ALOX5AP: variants seen among roughly 807,000 people sequenced by gnomAD.
ALOX5AP encodes the protein arachidonate 5-lipoxygenase activating protein.
In ALOX5AP, 9 loss-of-function variants were observed where a neutral mutation model predicts 18.5. That is an observed-to-expected ratio of 0.49 (90% CI 0.29 to 0.85). ALOX5AP has a LOEUF of 0.85. ALOX5AP is among the 40% of genes least tolerant of loss of function. The pLI is 0.08. For missense variants in ALOX5AP, 172 were observed against 202.5 expected, an observed-to-expected ratio of 0.85 and a Z score of 0.91; for synonymous variants, 81 against 78.6, an observed-to-expected ratio of 1.03 and a Z score of -0.16.
intron 1 of ALOX5AP, chr13:30,713,929 C>A (rs1432379812): frequency 7.0e-7 from 1 of 1,426,670 alleles, no homozygotes; most frequent in East Asian, 2.5e-5. Context: ...GGGCCATGTT[C>A]GGTGGTTTTT....
chr13:30,747,154 T>G (rs1951815856), intron 2 of ALOX5AP, among the ~76,000 whole-genome samples: 1 of 152,188 alleles, frequency 6.6e-6, no homozygotes, highest in Non-Finnish European at 1.5e-5. Context: ...CTGGACTCTG[T>G]TCACGTGTAT....
chr13:30,725,612 C>T (rs1406511515), intron 1 of ALOX5AP, among the ~76,000 whole-genome samples: 1 of 152,210 alleles, frequency 6.6e-6, no homozygotes, highest in Non-Finnish European at 1.5e-5. Context: ...TTACATTGGA[C>T]CATTTCCATC....
At chr13:30,716,908 T>C (rs1430398591) in intron 1 of ALOX5AP, among the ~76,000 whole-genome samples, 2 of 152,234 alleles carry the variant, frequency 1.3e-5, no homozygotes, top group East Asian at 3.8e-4. Context: ...ATGGAGCCCC[T>C]ACGGTCCTCT....
Position 30,725,990 on chromosome 13 carries a change from T to C in ALOX5AP, c.117-9561T>C, listed in dbSNP as rs148086262. ...CCAATATATGATGCTATTTCTCCCATTGTCAGGATTCATGGGTCCAAGAAT... is the reference window on the plus strand; with the variant it reads ...CCAATATATGATGCTATTTCTCCCACTGTCAGGATTCATGGGTCCAAGAAT... On this transcript the variant is annotated intron_variant, in intron 1 of 5. Transcript: ENST00000617770. Among the ~76,000 whole-genome samples the C allele has an allele frequency of 2.5e-3, 384 of 152,288 alleles. 3 individuals carry two copies. The highest frequency in any genetic ancestry group is 8.9e-3 in the African/African-American group (368 of 41,538).
At chr13:30,739,816 G>A (rs1013334493) in intron 1 of ALOX5AP, among the ~76,000 whole-genome samples, 3 of 152,202 alleles carry the variant, frequency 2.0e-5, no homozygotes, top group South Asian at 2.1e-4. Flanking sequence ...GTCAGGAGTC[G>A]TGAAGCTGGG....
intron 4 of ALOX5AP, among the ~76,000 whole-genome samples, chr13:30,757,123 A>G (rs1052401759): frequency 2.6e-5 from 4 of 152,138 alleles, no homozygotes; most frequent in Non-Finnish European, 5.9e-5. Context: ...AGCCTTCCAC[A>G]CCATTTTCCT....
At chr13:30,714,778 C>T (rs1282830091) in intron 1 of ALOX5AP, among the ~76,000 whole-genome samples, 2 of 152,206 alleles carry the variant, frequency 1.3e-5, no homozygotes, top group African/African-American at 2.4e-5. Context: ...CGCCGTCACA[C>T]CCTGGGCACT....
chr13:30,740,769 A>G (rs1951756438), intron 1 of ALOX5AP, among the ~76,000 whole-genome samples: 1 of 152,154 alleles, frequency 6.6e-6, no homozygotes, highest in African/African-American at 2.4e-5. Flanking sequence ...GATATTAAAG[A>G]TTCTGGAAGT....
In ALOX5AP at chr13:30,750,201, C is replaced by T. The variant is rs895605238; in HGVS notation, c.171-1851C>T. Among the ~76,000 whole-genome samples, 3 of 152,120 alleles carry T rather than the reference C, an allele frequency of 2.0e-5. No homozygotes were observed. In the East Asian group the frequency reaches 5.8e-4, roughly 29 times the overall value. On this transcript the variant is annotated intron_variant, in intron 2 of 4. Transcript: ENST00000380490. Reference sequence around the variant, plus strand: ...ATGCCTGGAGAACTGCCACCTTCGACCATGGACTGTGAGAATTCACATGGA... The same window carrying T: ...ATGCCTGGAGAACTGCCACCTTCGATCATGGACTGTGAGAATTCACATGGA...
intron 4 of ALOX5AP, among the ~76,000 whole-genome samples, chr13:30,761,329 G>A (rs963335350): frequency 1.3e-5 from 2 of 152,206 alleles, no homozygotes; most frequent in African/African-American, 2.4e-5. Flanking sequence ...ATCAGGAGGC[G>A]CTGCCATTTC....
At chr13:30,744,270 A>G in intron 2 of ALOX5AP, 111 bp downstream of exon 2, 2 of 929,320 alleles carry the variant, frequency 2.2e-6, no homozygotes, top group Non-Finnish European at 3.3e-6. Context: ...CAAGTTTCTG[A>G]GCGCCAGGGA....
intron 1 of ALOX5AP, among the ~76,000 whole-genome samples, chr13:30,724,281 T>A (rs1259617980): frequency 1.3e-5 from 2 of 152,268 alleles, no homozygotes; most frequent in East Asian, 3.8e-4. Context: ...TTTGTTCTTT[T>A]TATTACTGGA....
intron 1 of ALOX5AP, among the ~76,000 whole-genome samples, chr13:30,726,124 G>T (rs1269084647): frequency 2.0e-5 from 3 of 152,146 alleles, no homozygotes; most frequent in Non-Finnish European, 4.4e-5. Context: ...AGAAATCTTA[G>T]CTCCTGTGGG....
At chr13:30,729,147 T>A (rs1951660640) in intron 1 of ALOX5AP, among the ~76,000 whole-genome samples, 1 of 152,188 alleles carries the variant, frequency 6.6e-6, no homozygotes, top group Admixed American at 6.5e-5. Flanking sequence ...TGAAGTCTAA[T>A]TTATTGATTT....
At chr13:30,739,938 T>C (rs1951749610) in intron 1 of ALOX5AP, among the ~76,000 whole-genome samples, 1 of 152,244 alleles carries the variant, frequency 6.6e-6, no homozygotes, top group Non-Finnish European at 1.5e-5. Context: ...TATGTTGAGC[T>C]GAAATCTGCA....
chr13:30,756,327 C>T (rs147288214), intron 4 of ALOX5AP, among the ~76,000 whole-genome samples: 86 of 152,312 alleles, frequency 5.6e-4, no homozygotes, highest in African/African-American at 2.0e-3. Flanking sequence ...CCTGCACTCC[C>T]GCCCTGCAGA....
intron 1 of ALOX5AP, among the ~76,000 whole-genome samples, chr13:30,737,131 A>C (rs1210054570): frequency 1.3e-5 from 2 of 152,222 alleles, no homozygotes; most frequent in Non-Finnish European, 2.9e-5. Flanking sequence ...GACACCCATC[A>C]ATAAAACTGA....
intron 1 of ALOX5AP, among the ~76,000 whole-genome samples, chr13:30,724,390 A>T (rs1566079297): frequency 6.6e-6 from 1 of 152,328 alleles, no homozygotes; most frequent in East Asian, 1.9e-4. Flanking sequence ...ATCCTAAAAG[A>T]CTGCCAGTTT....
At chr13:30,759,478 C>G (rs1182661135) in intron 4 of ALOX5AP, among the ~76,000 whole-genome samples, 1 of 152,204 alleles carries the variant, frequency 6.6e-6, no homozygotes, top group Non-Finnish European at 1.5e-5. Context: ...GGTACCAGGT[C>G]AGTTGCTGAA....
Sources: allele counts gnomAD v4.1 joint callset (sites outside exome capture counted in the v4.1 genomes callset), GRCh38; gene constraint gnomAD v4.1.1; transcripts MANE v1.5; gene names NCBI Gene and HGNC (gene_info 2026-07-23, HGNC 2026-07-21).